NTRK3: variants seen among roughly 807,000 people sequenced by gnomAD.
NTRK3 encodes the protein NT-3 growth factor receptor.
A neutral mutation model predicts 91.7 loss-of-function variants in NTRK3; 24 were observed. The observed-to-expected ratio is 0.26, with a 90% CI of 0.19 to 0.37. The LOEUF is 0.37. NTRK3 is among the 10% of genes least tolerant of loss of function. The pLI, the probability that NTRK3 is intolerant of heterozygous loss-of-function variation, is 1.00. For synonymous variants in NTRK3, 483 were observed against 404.0 expected, an observed-to-expected ratio of 1.20 and a Z score of -2.34; for missense variants, 880 against 1,068.9, an observed-to-expected ratio of 0.82 and a Z score of 2.46.
rs1460891287 is a variant in NTRK3, at chr15:88,241,499, C to T, written c.248+14407G>A. 6.6e-6 allele frequency among the ~76,000 whole-genome samples: 1 copy of T among 152,130 alleles called. No individual in the cohort carries two copies. Among genetic ancestry groups the T allele is most frequent in the Non-Finnish European group, 1.5e-5 (1 of 68,010 alleles). On this transcript the variant is annotated intron_variant, in intron 3 of 18. Transcript: ENST00000394480. This position sits in a 1 kb window ranked among gnomAD's most constrained non-coding sequence, Gnocchi z 4.3. ...GGGAGTCATGAGGTCACTCTCCTGC[C>T]ACTTCTGCTTCCCCAGGGCCCAGGG... is the stretch of plus-strand genomic sequence containing the variant.
chr15:87,908,583 G>A (rs1265503916), intron 17 of NTRK3: 2 of 399,522 alleles, frequency 5.0e-6, no homozygotes, highest in African/African-American at 4.1e-5. Context: ...AATGAGGGGA[G>A]AGAGTGGGAA....
At position 88,197,094 on chromosome 15, in the gene NTRK3, CAAAAAAAAAAAAAAA is replaced by C. The variant is rs59553739; in HGVS notation, c.249-12810_249-12796del. Among the ~76,000 whole-genome samples, 164 of 56,600 alleles carry C rather than the reference CAAAAAAAAAAAAAAA, an allele frequency of 2.9e-3. 2 individuals are homozygous for C. The highest frequency in any genetic ancestry group is 0.028 in the Admixed American group (85 of 3,018). 37.1% of individuals were successfully genotyped at this position (56,600 alleles called of 152,430 possible). A position where few individuals can be genotyped will look rare whatever the true frequency, so the allele number is the denominator to read the frequency against. ...AGAAGAGGTCTATGGTTGAGCAGGA[CAAAAAAAAAAAAAAA>C]AAAAAAAAAAAAAAAAAACCTCTGT... On this transcript the variant is annotated intron_variant, in intron 3 of 18. Transcript: ENST00000394480.
At chr15:88,084,976 T>A (rs187425071) in intron 13 of NTRK3, among the ~76,000 whole-genome samples, 3 of 152,300 alleles carry the variant, frequency 2.0e-5, no homozygotes, top group African/African-American at 7.2e-5. Flanking sequence ...AACCTATATA[T>A]CAGGGACTGA....
chr15:87,860,376 G>T (rs8023835), exon 19 of NTRK3: 2 of 220,668 alleles, frequency 9.1e-6, no homozygotes, highest in Non-Finnish European at 1.8e-5. Context: ...GAAAGGAAGG[G>T]TGAGATGAAG....
At chr15:87,903,502 G>C (rs968671078) in intron 17 of NTRK3, among the ~76,000 whole-genome samples, 2 of 152,154 alleles carry the variant, frequency 1.3e-5, no homozygotes, top group African/African-American at 4.8e-5. Context: ...TCCTGTTCTA[G>C]GGGCTTGCTC....
chr15:88,054,758 G>C (rs2142349730), intron 13 of NTRK3, among the ~76,000 whole-genome samples: 1 of 152,178 alleles, frequency 6.6e-6, no homozygotes, highest in East Asian at 1.9e-4. Context: ...TATTGATGAT[G>C]ATGATGATGA....
intron 14 of NTRK3, among the ~76,000 whole-genome samples, chr15:88,025,164 G>A (rs1279056317): frequency 1.3e-5 from 2 of 152,188 alleles, no homozygotes; most frequent in Admixed American, 6.5e-5. Context: ...CCAGTCTAAT[G>A]TGAAATGCAA....
intron 3 of NTRK3, among the ~76,000 whole-genome samples, chr15:88,187,742 T>C (rs1370248038): frequency 1.3e-5 from 2 of 152,076 alleles, no homozygotes; most frequent in Non-Finnish European, 2.9e-5. Context: ...GAGACCAGCC[T>C]GGCCAACATG....
rs2050285583 is a variant in NTRK3, at chr15:88,102,583, C to T, written c.1396+23688G>A. Reference sequence around the variant, plus strand: ...CCCAGTTACCCTGATTTGATTATTACATATTACGTGCTTGTATCAAAATTT... The same window carrying T: ...CCCAGTTACCCTGATTTGATTATTATATATTACGTGCTTGTATCAAAATTT... On this transcript the variant is annotated intron_variant, in intron 13 of 18. Transcript: ENST00000394480. 2.0e-5 allele frequency among the ~76,000 whole-genome samples: 3 copies of T among 152,210 alleles called. No homozygotes were observed. In the South Asian group the frequency reaches 6.2e-4, roughly 32 times the overall value.
intron 13 of NTRK3, among the ~76,000 whole-genome samples, chr15:88,041,402 T>A (rs1251500517): frequency 1.3e-5 from 2 of 152,202 alleles, no homozygotes; most frequent in African/African-American, 4.8e-5. Flanking sequence ...ATTGAGTATA[T>A]CTAGGCACTC....
chr15:88,008,236 A>G (rs1025767924), intron 14 of NTRK3, among the ~76,000 whole-genome samples: 42 of 152,120 alleles, frequency 2.8e-4, no homozygotes, highest in African/African-American at 1.0e-3. Context: ...CATGTGTTCA[A>G]TGTTAGCTGG....
intron 14 of NTRK3, among the ~76,000 whole-genome samples, chr15:87,990,344 C>A (rs975875237): frequency 6.6e-6 from 1 of 152,166 alleles, no homozygotes; most frequent in African/African-American, 2.4e-5. Flanking sequence ...GAGCACATAC[C>A]GTTCTGCAGA....
chr15:87,918,649 C>T (rs549435119), intron 17 of NTRK3, among the ~76,000 whole-genome samples: 1 of 152,312 alleles, frequency 6.6e-6, no homozygotes, highest in African/African-American at 2.4e-5. Context: ...TAGAGCAACA[C>T]ATTTTTATCT....
rs114263973 is a variant in NTRK3 at position 88,106,640 on chromosome 15, G to A, written c.1396+19631C>T. On this transcript the variant is annotated intron_variant, in intron 13 of 18. Coordinates refer to ENST00000394480, the Ensembl canonical transcript of NTRK3. The stretch of plus-strand genomic sequence containing the variant: ...TCACTTAAGTGTACATTTAAAATAT[G>A]TATGAGAATGGGCCAGGCATGTGGC... Among the ~76,000 whole-genome samples the A allele has an allele frequency of 8.7e-3, 1,326 of 152,236 alleles. 17 individuals are homozygous for A. Among genetic ancestry groups the A allele is most frequent in the African/African-American group, 0.028 (1,176 of 41,520 alleles).
intron 17 of NTRK3, chr15:87,916,490 G>A (rs958693100): frequency 1.6e-5 from 11 of 701,598 alleles, no homozygotes; most frequent in Admixed American, 4.0e-5. Flanking sequence ...ATGCTTCAAC[G>A]TCTCAGAATT....
chr15:88,080,335 G>A (rs1252352918), intron 13 of NTRK3, among the ~76,000 whole-genome samples: 1 of 152,118 alleles, frequency 6.6e-6, no homozygotes, highest in Non-Finnish European at 1.5e-5. Context: ...CTATAGCAGG[G>A]GAATGAGAGC....
rs1193082361 is a variant in NTRK3 at position 88,255,995 on chromosome 15, G to A, written c.159C>T (p.Leu53=). The change falls in exon 3 of 19, where the codon CTC becomes CTT. Residue 53 remains leucine, a synonymous_variant. Coordinates refer to ENST00000394480, the Ensembl canonical transcript of NTRK3. The surrounding 1 kb of genome is among the most constrained non-coding windows in gnomAD (Gnocchi z 4.3). ...AATCCTGCCCTTCCAGGAGGGGGAA[G>A]AGGTTCCCATCGTCCGGCCGCCGGC... The A allele has an allele frequency of 4.3e-6, 7 of 1,613,602 alleles. No homozygotes were observed. The highest frequency in any genetic ancestry group is 5.9e-6 in the Non-Finnish European group (7 of 1,179,836).
intron 5 of NTRK3, among the ~76,000 whole-genome samples, chr15:88,166,748 A>G (rs745759758): frequency 5.3e-5 from 8 of 152,210 alleles, no homozygotes; most frequent in Non-Finnish European, 8.8e-5. Context: ...TGGACCAGAC[A>G]TTTATAGATA....
intron 14 of NTRK3, among the ~76,000 whole-genome samples, chr15:88,025,162 A>T (rs552845822): frequency 2.0e-5 from 3 of 152,228 alleles, no homozygotes; most frequent in Non-Finnish European, 4.4e-5. Context: ...AGCCAGTCTA[A>T]TGTGAAATGC....
Sources: allele counts gnomAD v4.1 joint callset (sites outside exome capture counted in the v4.1 genomes callset), GRCh38; gene constraint gnomAD v4.1.1; non-coding constraint Gnocchi (gnomAD v3.1); transcripts MANE v1.5; gene names NCBI Gene and HGNC (gene_info 2026-07-23, HGNC 2026-07-21).